Variants in BRINP1 observed in about 807,000 individuals in gnomAD.
The protein encoded by BRINP1 is BMP/retinoic acid-inducible neural-specific protein 1.
Under a neutral mutation model 72.9 loss-of-function variants are expected in BRINP1, and 17 were observed. The ratio of observed to expected loss-of-function variants is 0.23; its 90% CI spans 0.16 to 0.35. BRINP1 has a LOEUF of 0.35. Ranked by LOEUF, BRINP1 falls within the 10% of genes least tolerant of loss-of-function variation. The pLI, the probability that BRINP1 is intolerant of heterozygous loss-of-function variation, is 1.00. For missense variants in BRINP1, 850 were observed against 1,001.6 expected (o/e 0.85, Z 2.04); for synonymous variants, 418 against 378.5 (o/e 1.10, Z -1.21).
intron 2 of BRINP1, among the ~76,000 whole-genome samples, chr9:119,249,881 G>A (rs1283284568): frequency 6.7e-4 from 49 of 73,420 alleles, no homozygotes; most frequent in African/African-American, 2.3e-3. Context: ...GGAGGGAAGG[G>A]AGGAAGGAAG....
At chr9:119,328,894 A>G (rs1182527382) in intron 1 of BRINP1, among the ~76,000 whole-genome samples, 1 of 152,162 alleles carries the variant, frequency 6.6e-6, no homozygotes, top group African/African-American at 2.4e-5. Flanking sequence ...AAACAAAAAA[A>G]CCCAAGAGAA....
intron 2 of BRINP1, among the ~76,000 whole-genome samples, chr9:119,251,558 C>T (rs1830387794): frequency 6.6e-6 from 1 of 152,020 alleles, no homozygotes; most frequent in Non-Finnish European, 1.5e-5. Flanking sequence ...GCCTGGACAA[C>T]ATAGTGAGAC....
At chr9:119,271,686 AAGAG>A (rs967494025) in intron 2 of BRINP1, among the ~76,000 whole-genome samples, 2 of 152,124 alleles carry the variant, frequency 1.3e-5, no homozygotes, top group African/African-American at 4.8e-5. Context: ...GCTAGGAAAA[AAGAG>A]AGAAGGAGGA....
intron 2 of BRINP1, among the ~76,000 whole-genome samples, chr9:119,291,369 A>G (rs1564240043): frequency 1.3e-5 from 2 of 152,212 alleles, no homozygotes; most frequent in Non-Finnish European, 2.9e-5. Context: ...TTGTGCTTAC[A>G]TTCTTTCTTG....
At chr9:119,364,405 C>A (rs1831669199) in intron 1 of BRINP1, among the ~76,000 whole-genome samples, 1 of 152,106 alleles carries the variant, frequency 6.6e-6, no homozygotes, top group Non-Finnish European at 1.5e-5. Flanking sequence ...ATTGGCATTA[C>A]AAAAAGGACT....
chr9:119,174,997 T>C (rs1344597787), intron 7 of BRINP1, among the ~76,000 whole-genome samples: 1 of 149,048 alleles, frequency 6.7e-6, no homozygotes, highest in Non-Finnish European at 1.5e-5. Flanking sequence ...GGGATAGCAT[T>C]GGGAGATATA....
chr9:119,332,694 G>A (rs1031357598), intron 1 of BRINP1, among the ~76,000 whole-genome samples: 31 of 152,250 alleles, frequency 2.0e-4, no homozygotes, highest in African/African-American at 7.2e-4. Flanking sequence ...GAGCTAACAT[G>A]ACTCAGCCAA....
chr9:119,230,810 A>G (rs962484976), intron 5 of BRINP1, among the ~76,000 whole-genome samples: 10 of 152,082 alleles, frequency 6.6e-5, no homozygotes, highest in African/African-American at 2.4e-4. Context: ...GAAGGCTCTC[A>G]AAACACAAGT....
chr9:119,253,118 T>G (rs538438709), intron 2 of BRINP1, among the ~76,000 whole-genome samples: 2 of 151,850 alleles, frequency 1.3e-5, no homozygotes, highest in Non-Finnish European at 2.9e-5. Flanking sequence ...ACGGACAGAG[T>G]TTTTTATCCC....
At position 119,214,123 on chromosome 9, in the gene BRINP1, C is replaced by G; in HGVS notation, c.718G>C (p.Glu240Gln). 1.2e-6 allele frequency: 2 copies of G among 1,614,068 alleles called. No individual in the cohort carries two copies. The highest frequency in any genetic ancestry group is 1.7e-6 in the Non-Finnish European group (2 of 1,179,930). ...CTCAAGGCCGACTGGACAAACTTCT[C>G]TTGCAGATACTGAGGAAAGATTATC... Reference protein sequence around the residue: ...LQIIFPQYLQEKFVQSALSYI... With the variant: ...LQIIFPQYLQQKFVQSALSYI... Residue 240 changes from glutamate (E) to glutamine (Q), a missense_variant, in exon 6 of 8, where the codon GAG becomes CAG. Physicochemically the swap from Glu to Gln is conservative, Grantham distance 29 (BLOSUM62 2). Coordinates refer to ENST00000265922, the MANE Select transcript of BRINP1 (RefSeq NM_014618.3).
chr9:119,259,909 G>A (rs778764822), intron 2 of BRINP1, among the ~76,000 whole-genome samples: 6 of 152,020 alleles, frequency 3.9e-5, no homozygotes, highest in East Asian at 3.9e-4. Context: ...CTTTTTTCCC[G>A]GCAAGTAATA....
chr9:119,235,104 G>A (rs1013302351), intron 5 of BRINP1, among the ~76,000 whole-genome samples: 38 of 152,004 alleles, frequency 2.5e-4, no homozygotes, highest in African/African-American at 9.2e-4. Context: ...TTCCTCTTGA[G>A]TTCTGTAGTA....
chr9:119,237,247 A>G (rs1830200499), intron 5 of BRINP1, among the ~76,000 whole-genome samples: 1 of 152,130 alleles, frequency 6.6e-6, no homozygotes, highest in African/African-American at 2.4e-5. Context: ...TGATCATTGT[A>G]GAGAAGTTAG....
intron 1 of BRINP1, among the ~76,000 whole-genome samples, chr9:119,317,311 G>A (rs1244685991): frequency 2.6e-5 from 4 of 152,096 alleles, no homozygotes; most frequent in African/African-American, 7.2e-5. Flanking sequence ...CCTCATGAAT[G>A]ATCATGAGGG....
chr9:119,309,442 C>A (rs1397185663), intron 2 of BRINP1, among the ~76,000 whole-genome samples: 2 of 152,150 alleles, frequency 1.3e-5, no homozygotes, highest in Non-Finnish European at 2.9e-5. Flanking sequence ...CTCTTAGTGC[C>A]TTTCTCATTT....
chr9:119,287,718 AG>A (rs1377176755), intron 2 of BRINP1, among the ~76,000 whole-genome samples: 1 of 152,224 alleles, frequency 6.6e-6, no homozygotes, highest in Admixed American at 6.5e-5. Context: ...GCCCTCACAC[AG>A]ATCCAGCCCA....
rs575939897 is a variant in BRINP1 at position 119,181,838 on chromosome 9, T to G, written c.1146-13614A>C. ...AGTCATAGCTCTGCTACTCATTATT[T>G]AACCTTGAGTTAATTGCTTGTCCTT... On this transcript the variant is annotated intron_variant, in intron 7 of 7. Coordinates refer to ENST00000265922, the MANE Select transcript of BRINP1 (RefSeq NM_014618.3). Among the ~76,000 whole-genome samples the G allele has an allele frequency of 4.6e-5, 7 of 152,350 alleles. No individual in the cohort carries two copies. In the South Asian group the frequency reaches 1.4e-3, roughly 32 times the overall value.
At chr9:119,221,105 C>G (rs1830036880) in intron 5 of BRINP1, among the ~76,000 whole-genome samples, 1 of 152,132 alleles carries the variant, frequency 6.6e-6, no homozygotes, top group Non-Finnish European at 1.5e-5. Flanking sequence ...AACACAGGTT[C>G]TATTTTAGTT....
intron 7 of BRINP1, among the ~76,000 whole-genome samples, chr9:119,190,943 A>C (rs969056963): frequency 9.9e-5 from 15 of 151,890 alleles, no homozygotes; most frequent in Non-Finnish European, 2.2e-4. Flanking sequence ...CATCTAAACC[A>C]AGTGGAATTG....
Sources: allele counts gnomAD v4.1 joint callset (sites outside exome capture counted in the v4.1 genomes callset), GRCh38; gene constraint gnomAD v4.1.1; transcripts MANE v1.5; gene names NCBI Gene and HGNC (gene_info 2026-07-23, HGNC 2026-07-21).